The following PHF2 variants were observed in gnomAD, a reference collection of about 807,000 sequenced individuals.
PHF2 encodes lysine-specific demethylase PHF2.
A neutral mutation model predicts 120.5 loss-of-function variants in PHF2; 27 were observed. The ratio of observed to expected loss-of-function variants is 0.22; its 90% CI spans 0.17 to 0.31. The LOEUF (loss-of-function observed/expected upper bound fraction) is 0.31. Ranked by LOEUF, PHF2 falls within the 10% of genes least tolerant of loss-of-function variation. The pLI, the probability that PHF2 is intolerant of heterozygous loss-of-function variation, is 1.00. For synonymous variants in PHF2, 568 were observed against 592.5 expected (o/e 0.96, Z 0.60); for missense variants, 1,024 against 1,434.8 (o/e 0.71, Z 4.63).
intron 1 of PHF2, among the ~76,000 whole-genome samples, chr9:93,592,138 C>T (rs1159083214): frequency 2.6e-5 from 4 of 152,218 alleles, no homozygotes; most frequent in African/African-American, 9.6e-5. Context: ...GTGGCAGGGC[C>T]AGGGGCTCTC....
chr9:93,588,623 G>A (rs1348032590), intron 1 of PHF2, among the ~76,000 whole-genome samples: 2 of 152,180 alleles, frequency 1.3e-5, no homozygotes, highest in African/African-American at 2.4e-5. Flanking sequence ...TGGGCACGGT[G>A]GCTCACACCT....
At chr9:93,596,550 CG>C (rs1564375173) in intron 1 of PHF2, among the ~76,000 whole-genome samples, 3 of 151,784 alleles carry the variant, frequency 2.0e-5, no homozygotes, top group Middle Eastern at 6.8e-3. Context: ...GACTGGGAGT[CG>C]GGAGGGGCAG....
chr9:93,602,701 G>A (rs572087572), intron 1 of PHF2, among the ~76,000 whole-genome samples: 2 of 152,086 alleles, frequency 1.3e-5, no homozygotes, highest in African/African-American at 2.4e-5. Context: ...CTGGGACCTC[G>A]GGTGCATGGG....
At chr9:93,599,773 G>A (rs117162228) in intron 1 of PHF2, among the ~76,000 whole-genome samples, 2,470 of 152,336 alleles carry the variant, frequency 0.016, 44 homozygotes, top group Middle Eastern at 0.037. Flanking sequence ...GCACGAAAGG[G>A]ATTTAGAGGC....
chr9:93,648,212 T>G (rs1488515270), intron 4 of PHF2, among the ~76,000 whole-genome samples: 1 of 152,246 alleles, frequency 6.6e-6, no homozygotes, highest in African/African-American at 2.4e-5. Context: ...TCCTGCAGAA[T>G]GTCCCACATC....
intron 1 of PHF2, among the ~76,000 whole-genome samples, chr9:93,627,706 T>TG (rs1303735854): frequency 6.6e-6 from 1 of 152,196 alleles, no homozygotes; most frequent in African/African-American, 2.4e-5. Context: ...TAGAGTATTT[T>TG]TATCATGAAA....
chr9:93,576,629 G>GCGCCCC lies in PHF2; in HGVS notation c.-142_-137dup, dbSNP rs1392105878. 3 of 147,410 alleles carry GCGCCCC rather than the reference G, an allele frequency of 2.0e-5. No homozygotes were observed. Among genetic ancestry groups the GCGCCCC allele is most frequent in the African/African-American group, 5.0e-5 (2 of 40,208 alleles). 9.1% of individuals were successfully genotyped at this position (147,410 alleles called of 1,614,324 possible). A position where few individuals can be genotyped will look rare whatever the true frequency, so the allele number is the denominator to read the frequency against. On this transcript the variant is annotated 5_prime_UTR_variant, in exon 1 of 22. Transcript: ENST00000359246. ...CGGGAGCGCGCGCGGGGGCTGTCGT[G>GCGCCCC]CGCCCCCGTCCCCGTCCCCTCCCGG...
chr9:93,638,531 A>G (rs1005640751), intron 3 of PHF2, among the ~76,000 whole-genome samples: 6 of 152,098 alleles, frequency 3.9e-5, no homozygotes, highest in Non-Finnish European at 7.4e-5. Context: ...GGTTGAAAAA[A>G]CTATTCTTTT....
intron 17 of PHF2, among the ~76,000 whole-genome samples, chr9:93,670,859 C>T (rs189274881): frequency 3.6e-4 from 55 of 152,084 alleles, no homozygotes; most frequent in Admixed American, 1.5e-3. Context: ...ACAGGCTGGG[C>T]GCTATGGGAG....
Position 93,593,173 on chromosome 9 carries a change from C to T in PHF2, c.98+16302C>T, listed in dbSNP as rs548081408. Reference sequence around the variant, plus strand: ...CCAGCAGGACGGGACATGGCAGCACCCCCTTCCCTGGAGTTGTTGGGAGGG... The same window carrying T: ...CCAGCAGGACGGGACATGGCAGCACTCCCTTCCCTGGAGTTGTTGGGAGGG... On this transcript the variant is annotated intron_variant, in intron 1 of 21. Transcript: ENST00000359246. Among the ~76,000 whole-genome samples, 11 of 151,636 alleles carry T rather than the reference C, an allele frequency of 7.3e-5. No individual in the cohort carries two copies. The East Asian group carries it at 1.2e-3, about 16-fold the overall frequency.
chr9:93,619,739 T>G (rs1485839751), intron 1 of PHF2, among the ~76,000 whole-genome samples: 1 of 152,226 alleles, frequency 6.6e-6, no homozygotes, highest in Non-Finnish European at 1.5e-5. Flanking sequence ...AGTTTGCACT[T>G]CGGCCAACAA....
chr9:93,664,032 C>A (rs1826630034), intron 14 of PHF2, among the ~76,000 whole-genome samples: 1 of 152,232 alleles, frequency 6.6e-6, no homozygotes, highest in Non-Finnish European at 1.5e-5. Flanking sequence ...GAAGATACAG[C>A]CAGCCTGCAA....
At chr9:93,599,503 G>A (rs1272590509) in intron 1 of PHF2, among the ~76,000 whole-genome samples, 3 of 152,222 alleles carry the variant, frequency 2.0e-5, no homozygotes, top group East Asian at 1.9e-4. Flanking sequence ...TGGAGTGCGT[G>A]GAGGTTGGAA....
chr9:93,642,940 C>G (rs1194023510), intron 3 of PHF2, among the ~76,000 whole-genome samples: 1 of 151,942 alleles, frequency 6.6e-6, no homozygotes, highest in Non-Finnish European at 1.5e-5. Context: ...TCAATATTGC[C>G]TGGTCTTTTT....
intron 17 of PHF2, among the ~76,000 whole-genome samples, chr9:93,669,471 C>T (rs1826742922): frequency 6.6e-6 from 1 of 152,250 alleles, no homozygotes; most frequent in Non-Finnish European, 1.5e-5. Flanking sequence ...GCAGTGCCTT[C>T]TGAGGAGTGC....
chr9:93,673,768 A>G lies in PHF2; in HGVS notation c.2532A>G (p.Arg844=), dbSNP rs1158745079. Residue 844 remains arginine, a synonymous_variant, in exon 18 of 22, where the codon CGA becomes CGG. Transcript: ENST00000359246. ...GCAGTGGCAAGAGTGCAGGCAAACG[A>G]CTGCTGAAGAGGGCTGCCAAGAACA... is the stretch of plus-strand genomic sequence containing the variant. ...GGGSGKSAGK[R]LLKRAAKNSV... is the part of the protein sequence containing the mutation. 6 of 1,613,370 alleles carry G rather than the reference A, an allele frequency of 3.7e-6. No individual in the cohort carries two copies. The highest frequency in any genetic ancestry group is 4.2e-6 in the Non-Finnish European group (5 of 1,179,802).
At chr9:93,577,258 G>C (rs1294214718) in intron 1 of PHF2, among the ~76,000 whole-genome samples, 1 of 151,356 alleles carries the variant, frequency 6.6e-6, no homozygotes, top group African/African-American at 2.4e-5. Flanking sequence ...CGGAGCCCCC[G>C]CCGCCTCCCC....
At chr9:93,621,122 G>A (rs1294957068) in intron 1 of PHF2, among the ~76,000 whole-genome samples, 1 of 152,240 alleles carries the variant, frequency 6.6e-6, no homozygotes, top group Non-Finnish European at 1.5e-5. Context: ...GCAGATGTAG[G>A]GTCGGTGCTA....
chr9:93,622,033 T>C lies in PHF2; in HGVS notation c.99-7937T>C, dbSNP rs183857219. Among the ~76,000 whole-genome samples the C allele has an allele frequency of 1.3e-3, 203 of 152,298 alleles. 1 individual carries two copies. The highest frequency in any genetic ancestry group is 1.1e-3 in the Non-Finnish European group (73 of 68,020). On this transcript the variant is annotated intron_variant, in intron 1 of 21. Coordinates refer to ENST00000359246, the MANE Select transcript of PHF2 (RefSeq NM_005392.4). The stretch of plus-strand genomic sequence containing the variant: ...TTGGGGGCCTTTCCATGCACCAAGG[T>C]GGTCCAAGCTGTGGGTGCAGCTCCT...
Sources: gnomAD v4.1 joint callset for allele counts (sites outside exome capture counted in the v4.1 genomes callset) on GRCh38, gnomAD v4.1.1 for gene constraint, MANE v1.5 for transcripts, NCBI Gene and HGNC (gene_info 2026-07-23, HGNC 2026-07-21) for gene names.